Variants in RARS2 observed in about 807,000 individuals in gnomAD.
The protein encoded by RARS2 is arginyl-tRNA synthetase 2, mitochondrial.
A neutral mutation model predicts 88.5 loss-of-function variants in RARS2; 67 were observed. That is an observed-to-expected ratio of 0.76 (90% CI 0.62 to 0.93). The LOEUF is 0.93. Ranked by LOEUF, RARS2 falls within the 40% of genes least tolerant of loss-of-function variation. The probability of loss-of-function intolerance (pLI) is 0.00; values close to 1 mark genes in which losing one functional copy is unlikely to be tolerated. For missense variants in RARS2, 664 were observed against 684.2 expected (o/e 0.97, Z 0.33); for synonymous variants, 239 against 230.3 (o/e 1.04, Z -0.34).
chr6:87,535,628 G>C (rs958718170), intron 8 of RARS2, among the ~76,000 whole-genome samples: 2 of 150,258 alleles, frequency 1.3e-5, no homozygotes, highest in African/African-American at 4.9e-5. Flanking sequence ...AGGCCATTTT[G>C]AACTTAAAGA....
chr6:87,551,326 A>G (rs1784258420), intron 5 of RARS2, among the ~76,000 whole-genome samples: 1 of 152,024 alleles, frequency 6.6e-6, no homozygotes, highest in African/African-American at 2.4e-5. Flanking sequence ...TTAAGAAGGG[A>G]CAGATAACAT....
At chr6:87,585,907 A>C (rs1775015350) in intron 1 of RARS2, among the ~76,000 whole-genome samples, 1 of 152,194 alleles carries the variant, frequency 6.6e-6, no homozygotes, top group Admixed American at 6.5e-5. Context: ...AGGCACAAGG[A>C]ATAATCTACG....
At chr6:87,559,500 T>C (rs1582683755) in intron 4 of RARS2, among the ~76,000 whole-genome samples, 1 of 139,142 alleles carries the variant, frequency 7.2e-6, no homozygotes, top group Admixed American at 7.3e-5. Context: ...AGAGACAGGG[T>C]CTTGCTGTGT....
chr6:87,544,005 A>G (rs1781845062), intron 7 of RARS2, among the ~76,000 whole-genome samples: 1 of 152,248 alleles, frequency 6.6e-6, no homozygotes, highest in South Asian at 2.1e-4. Flanking sequence ...TCAAATGGAG[A>G]TAGCTGAAAC....
At chr6:87,563,260 C>T (rs1788426801) in intron 3 of RARS2, among the ~76,000 whole-genome samples, 2 of 152,154 alleles carry the variant, frequency 1.3e-5, no homozygotes, top group Admixed American at 1.3e-4. Flanking sequence ...ATGTTCGAAG[C>T]CATCTCATGA....
rs778799689 is a variant in RARS2, at chr6:87,518,809, G to A, written c.1305+15C>T. 1.2e-6 allele frequency: 2 copies of A among 1,613,504 alleles called. No homozygotes were observed. Among genetic ancestry groups the A allele is most frequent in the South Asian group, 1.1e-5 (1 of 91,060 alleles). On this transcript the variant is annotated intron_variant, in intron 15 of 19. Coordinates refer to ENST00000369536, the MANE Select transcript of RARS2 (RefSeq NM_020320.5). The stretch of plus-strand genomic sequence containing the variant: ...ACCAAACAAAAGGGCCTCACAGGTA[G>A]GAGTCTTAACAGACCTGAATAATGA...
rs35706399 is a variant in RARS2, at chr6:87,514,172, G to A, written c.*241C>T. Among the ~76,000 whole-genome samples, 13,760 of 152,050 alleles carry A rather than the reference G, an allele frequency of 0.09. 664 individuals carry two copies. The highest frequency in any genetic ancestry group is 0.12 in the African/African-American group (5,063 of 41,470). ...ACTAAAAATACAAAATTAGCCTGGC[G>A]TGATGGCACGTGCCTGTAATCCCAG... is the stretch of plus-strand genomic sequence containing the variant. On this transcript the variant is annotated 3_prime_UTR_variant, in exon 20 of 20. Coordinates refer to ENST00000369536, the MANE Select transcript of RARS2 (RefSeq NM_020320.5).
chr6:87,584,061 A>G (rs960195697), intron 1 of RARS2, among the ~76,000 whole-genome samples: 1 of 152,228 alleles, frequency 6.6e-6, no homozygotes, highest in Non-Finnish European at 1.5e-5. Context: ...TCAAGGATAC[A>G]GATTTGTAAG....
Position 87,530,941 on chromosome 6 carries a change from A to G in RARS2, c.614T>C (p.Val205Ala), listed in dbSNP as rs994199900. 1.9e-6 allele frequency: 3 copies of G among 1,614,046 alleles called. No individual in the cohort carries two copies. The highest frequency in any genetic ancestry group is 2.5e-6 in the Non-Finnish European group (3 of 1,180,000). The change falls in exon 9 of 20, where the codon GTT becomes GCT. Residue 205 changes from valine (V) to alanine (A), a missense_variant and splice_region_variant. Coordinates refer to ENST00000369536, the MANE Select transcript of RARS2 (RefSeq NM_020320.5). ...QSNPLQHLFE[V>A]YVQVNKEAAD... ...TGCTTCTTTATTAACTTGTACATAA[A>G]CCTAAAAGTACAATAGTACATTAAA...
At chr6:87,567,897 G>A (rs1413410511) in intron 2 of RARS2, among the ~76,000 whole-genome samples, 3 of 152,112 alleles carry the variant, frequency 2.0e-5, no homozygotes, top group Non-Finnish European at 4.4e-5. Flanking sequence ...TCAGCCTCCT[G>A]AGTAGCTGGG....
intron 7 of RARS2, 147 bp downstream of exon 7, chr6:87,545,469 C>T: frequency 1.1e-6 from 1 of 928,034 alleles, no homozygotes; most frequent in Non-Finnish European, 1.6e-6. Flanking sequence ...AGATTTTATG[C>T]AAAAGAGCCA....
At position 87,530,782 on chromosome 6, in the gene RARS2, A is replaced by C. The variant is rs771801398; in HGVS notation, c.771+2T>G. The C allele has an allele frequency of 1.2e-6, 2 of 1,613,982 alleles. No individual in the cohort carries two copies. The highest frequency in any genetic ancestry group is 1.7e-6 in the Non-Finnish European group (2 of 1,179,976). On this transcript the variant is annotated splice_donor_variant, in intron 9 of 19. Transcript: ENST00000369536. LOFTEE classifies it high-confidence loss of function. ...AAAGCAGAAGGGAGGGTCAACCAATACCTTGTAAACCCGAATGTACTCTTC... is the reference window on the plus strand; with the variant it reads ...AAAGCAGAAGGGAGGGTCAACCAATCCCTTGTAAACCCGAATGTACTCTTC...
rs2128188183 is a variant in RARS2 at position 87,569,525 on chromosome 6, G to A, written c.102C>T (p.Ser34=). 1 of 1,594,288 alleles carries A rather than the reference G, an allele frequency of 6.3e-7. No individual in the cohort carries two copies. The highest frequency in any genetic ancestry group is 2.2e-5 in the East Asian group (1 of 44,660). ...AGTGTATTATACTTAACTCTTTTTGGGAAATTGGAACTGCAGATATTGATG... is the reference window on the plus strand; with the variant it reads ...AGTGTATTATACTTAACTCTTTTTGAGAAATTGGAACTGCAGATATTGATG... ...LITSISAVPI[S]QKEEVADFQL... Residue 34 remains serine, a synonymous_variant, in exon 2 of 20, where the codon TCC becomes TCT. Coordinates refer to ENST00000369536, the MANE Select transcript of RARS2 (RefSeq NM_020320.5).
intron 4 of RARS2, among the ~76,000 whole-genome samples, chr6:87,560,975 T>C (rs1787677591): frequency 1.3e-5 from 2 of 152,210 alleles, no homozygotes; most frequent in African/African-American, 4.8e-5. Context: ...TATAAAAGTA[T>C]AGCACATACA....
chr6:87,529,453 T>C (rs1316182807), intron 10 of RARS2, 89 bp downstream of exon 10: 3 of 866,808 alleles, frequency 3.5e-6, no homozygotes, highest in East Asian at 2.4e-5. Context: ...AAGCTGCACA[T>C]TGCATTCTGT....
intron 4 of RARS2, among the ~76,000 whole-genome samples, chr6:87,559,449 G>A (rs1582681761): frequency 8.1e-6 from 1 of 123,680 alleles, no homozygotes; most frequent in African/African-American, 3.2e-5. Context: ...GGCAACAAGA[G>A]TGAAACTCTG....
chr6:87,520,449 A>T (rs1047861056), intron 12 of RARS2, among the ~76,000 whole-genome samples, 193 bp from the exon 13 acceptor site: 8 of 152,190 alleles, frequency 5.3e-5, no homozygotes, highest in Non-Finnish European at 1.2e-4. Context: ...GAGGGAAATA[A>T]GAGCCATACA....
chr6:87,582,568 T>A (rs1193520694), intron 1 of RARS2, among the ~76,000 whole-genome samples: 10 of 152,236 alleles, frequency 6.6e-5, no homozygotes, highest in Non-Finnish European at 4.4e-5. Context: ...TGTTTGTTTT[T>A]TGCTATAGTA....
chr6:87,550,115 C>T (rs183501222), intron 5 of RARS2, among the ~76,000 whole-genome samples: 25 of 152,140 alleles, frequency 1.6e-4, no homozygotes, highest in African/African-American at 5.8e-4. Context: ...AAACTACACA[C>T]GTATTTATTT....
Sources: gnomAD v4.1 joint callset for allele counts (sites outside exome capture counted in the v4.1 genomes callset) on GRCh38, gnomAD v4.1.1 for gene constraint, MANE v1.5 for transcripts, NCBI Gene and HGNC (gene_info 2026-07-23, HGNC 2026-07-21) for gene names.